CHIA: variants seen among roughly 807,000 people sequenced by gnomAD.
CHIA encodes acidic mammalian chitinase.
CHIA carries 47 observed loss-of-function variants against 53.5 expected under a neutral mutation model. That is an observed-to-expected ratio of 0.88 (90% CI 0.70 to 1.12). The LOEUF (loss-of-function observed/expected upper bound fraction) is 1.12. CHIA is among the 50% of genes most tolerant of loss of function. The probability of loss-of-function intolerance (pLI) is 0.00; values close to 1 mark genes in which losing one functional copy is unlikely to be tolerated. For missense variants in CHIA, 652 were observed against 592.2 expected, an observed-to-expected ratio of 1.10 and a Z score of -1.05; for synonymous variants, 268 against 222.2, an observed-to-expected ratio of 1.21 and a Z score of -1.83.
At chr1:111,312,056 T>C in intron 3 of CHIA, 134 bp from the exon 4 acceptor site, 1 of 702,180 alleles carries the variant, frequency 1.4e-6, no homozygotes, top group African/African-American at 1.8e-5. Flanking sequence ...TGCAAGAGTG[T>C]TCATACTAAT....
Position 111,310,387 on chromosome 1 carries a change from G to A in CHIA, c.-68-13G>A, listed in dbSNP as rs1648564325. ...ACTACATACACATCTGGGTCAAATT[G>A]TTCTCTATTTAGAAGCCTTTGTGAT... On this transcript the variant is annotated splice_polypyrimidine_tract_variant and intron_variant, in intron 1 of 11. Coordinates refer to ENST00000369740, the MANE Select transcript of CHIA (RefSeq NM_201653.4). 6.2e-7 allele frequency: 1 copy of A among 1,602,838 alleles called. No homozygotes were observed. Among genetic ancestry groups the A allele is most frequent in the South Asian group, 1.1e-5 (1 of 88,870 alleles).
chr1:111,320,527 T>C lies in CHIA; in HGVS notation c.*61T>C. On this transcript the variant is annotated 3_prime_UTR_variant, in exon 12 of 12. Coordinates refer to ENST00000369740, the MANE Select transcript of CHIA (RefSeq NM_201653.4). ...TCTTTTGCTTAGGACATGTTGCCCC[T>C]ACCTAAAGTCCTGCAATAAAATCAG... 2 of 1,485,126 alleles carry C rather than the reference T, an allele frequency of 1.3e-6. No individual in the cohort carries two copies. Among genetic ancestry groups the C allele is most frequent in the Non-Finnish European group, 9.3e-7 (1 of 1,073,748 alleles). 92.0% of individuals were successfully genotyped at this position (1,485,126 alleles called of 1,614,324 possible).
rs114510939 is a variant in CHIA at position 111,318,516 on chromosome 1, G to A, written c.753G>A (p.Lys251=). Residue 251 remains lysine (K), a synonymous_variant, in exon 9 of 12, where the codon AAG becomes AAA. Coordinates refer to ENST00000369740, the MANE Select transcript of CHIA (RefSeq NM_201653.4). ...AGGATTATGTCATGAACTACTGGAAGGACAATGGAGCACCAGCTGAGAAGC... is the reference window on the plus strand; with the variant it reads ...AGGATTATGTCATGAACTACTGGAAAGACAATGGAGCACCAGCTGAGAAGC... The part of the protein sequence containing the change: ...LNVDYVMNYW[K]DNGAPAEKLI... 1.4e-3 allele frequency: 2,182 copies of A among 1,614,010 alleles called. 24 individuals are homozygous for A. In the African/African-American group the frequency reaches 0.022, roughly 17 times the overall value.
At position 111,319,375 on chromosome 1, in the gene CHIA, A is replaced by G; in HGVS notation, c.1084A>G (p.Ile362Val). 1 of 1,614,204 alleles carries G rather than the reference A, an allele frequency of 6.2e-7. No homozygotes were observed. The highest frequency in any genetic ancestry group is 8.5e-7 in the Non-Finnish European group (1 of 1,180,004). ...NKFGGAMVWA[I>V]DLDDFTGTFC... ...ATTTGGAGGCGCCATGGTCTGGGCCATTGATCTGGATGACTTCACTGGCAC... is the reference window on the plus strand; with the variant it reads ...ATTTGGAGGCGCCATGGTCTGGGCCGTTGATCTGGATGACTTCACTGGCAC... Residue 362 changes from isoleucine (I) to valine (V), a missense_variant, in exon 11 of 12, where the codon ATT (isoleucine) becomes GTT (valine). By Grantham distance (29) the Ile-to-Val change is conservative. Transcript: ENST00000369740.
In CHIA at chr1:111,318,564, T is replaced by C. The variant is rs1237531004; in HGVS notation, c.801T>C (p.Tyr267=). The change falls in exon 9 of 12, where the codon TAT becomes TAC. Residue 267 remains tyrosine (Y), a synonymous_variant. Transcript: ENST00000369740. ...AEKLIVGFPT[Y]GHNFILSNPS... Reference sequence around the variant, plus strand: ...AGCTCATCGTTGGATTCCCTACCTATGGACACAACTTCATCCTGAGCAACC... The same window carrying C: ...AGCTCATCGTTGGATTCCCTACCTACGGACACAACTTCATCCTGAGCAACC... 2 of 1,614,200 alleles carry C rather than the reference T, an allele frequency of 1.2e-6. No individual in the cohort carries two copies. Among genetic ancestry groups the C allele is most frequent in the Non-Finnish European group, 1.7e-6 (2 of 1,180,020 alleles).
chr1:111,292,324 T>A (rs1661073466), intron 1 of CHIA, among the ~76,000 whole-genome samples: 1 of 152,192 alleles, frequency 6.6e-6, no homozygotes, highest in Non-Finnish European at 1.5e-5. Flanking sequence ...TAATGTCACA[T>A]ATCTAGAAAG....
chr1:111,314,397 G>A (rs1489264039), intron 4 of CHIA, 143 bp from the exon 5 acceptor site: 1 of 572,402 alleles, frequency 1.7e-6, no homozygotes, highest in African/African-American at 1.9e-5. Context: ...TTTTTATAAA[G>A]GAAGTTTTCA....
intron 1 of CHIA, among the ~76,000 whole-genome samples, chr1:111,299,704 C>T (rs144942838): frequency 0.011 from 1,745 of 152,284 alleles, 14 homozygotes; most frequent in Middle Eastern, 0.027. Flanking sequence ...TCTCTCACTA[C>T]TCCTATTCAA....
chr1:111,313,501 G>T (rs2101641947), intron 4 of CHIA, among the ~76,000 whole-genome samples: 1 of 152,008 alleles, frequency 6.6e-6, no homozygotes, highest in Admixed American at 6.6e-5. Context: ...AGGTTATTTG[G>T]TTTCTTACTA....
intron 1 of CHIA, among the ~76,000 whole-genome samples, chr1:111,293,405 C>G (rs984390837): frequency 1.3e-5 from 2 of 152,028 alleles, no homozygotes; most frequent in Admixed American, 1.3e-4. Flanking sequence ...ATATTCAAGT[C>G]CTTTGTCCAT....
Position 111,319,127 on chromosome 1 carries a change from C to A in CHIA, c.923C>A (p.Thr308Asn), listed in dbSNP as rs142736771. 1.2e-6 allele frequency: 2 copies of A among 1,613,842 alleles called. No homozygotes were observed. The highest frequency in any genetic ancestry group is 1.7e-6 in the Non-Finnish European group (2 of 1,179,938). The change falls in exon 10 of 12, where the codon ACC becomes AAC. Residue 308 changes from threonine to asparagine, a missense_variant. Transcript: ENST00000369740. ...TCTCTTGACTTTTGAAAGATCTGTACCTTCCTGAAAAATGGAGCCACTCAG... is the reference window on the plus strand; with the variant it reads ...TCTCTTGACTTTTGAAAGATCTGTAACTTCCTGAAAAATGGAGCCACTCAG... ...SGIWAYYEIC[T>N]FLKNGATQGW...
At chr1:111,297,901 C>CAAAAAAAAAA (rs1188512345) in intron 1 of CHIA, among the ~76,000 whole-genome samples, 25 of 31,844 alleles carry the variant, frequency 7.9e-4, no homozygotes, top group East Asian at 1.6e-3. Context: ...AAATGGAAAG[C>CAAAAAAAAAA]AAAAAAAAAA....
chr1:111,314,720 T>C (rs1019221603), intron 5 of CHIA, 124 bp downstream of exon 5: 2 of 635,610 alleles, frequency 3.1e-6, no homozygotes, highest in Non-Finnish European at 5.6e-6. Context: ...TAAACAAATA[T>C]ATGAATTAAA....
rs370020615 is a variant in CHIA, at chr1:111,319,212, T to C, written c.1008T>C (p.Tyr336=). 2.5e-6 allele frequency: 4 copies of C among 1,614,116 alleles called. No homozygotes were observed. Among genetic ancestry groups the C allele is most frequent in the African/African-American group, 1.3e-5 (1 of 74,932 alleles). ...ATCAGGGCAATGTGTGGGTTGGCTATGACAACATCAAGAGCTTCGATATTA... is the reference window on the plus strand; with the variant it reads ...ATCAGGGCAATGTGTGGGTTGGCTACGACAACATCAAGAGCTTCGATATTA... ...YAYQGNVWVG[Y]DNIKSFDIKA... is the part of the protein sequence containing the mutation. Residue 336 remains tyrosine (Y), a synonymous_variant, in exon 10 of 12, where the codon TAT becomes TAC. Coordinates refer to ENST00000369740, the MANE Select transcript of CHIA (RefSeq NM_201653.4).
intron 2 of CHIA, among the ~76,000 whole-genome samples, chr1:111,311,227 C>A (rs374822028): frequency 7.2e-5 from 11 of 152,342 alleles, no homozygotes; most frequent in African/African-American, 2.6e-4. Context: ...GTTCCTAGCT[C>A]TTCTCTCCTC....
chr1:111,311,235 C>T (rs1360338227), intron 2 of CHIA, among the ~76,000 whole-genome samples: 2 of 152,158 alleles, frequency 1.3e-5, no homozygotes, highest in Non-Finnish European at 2.9e-5. Flanking sequence ...CTCTTCTCTC[C>T]TCATATAAGG....
chr1:111,311,752 G>A (rs760317308), intron 3 of CHIA, 34 bp downstream of exon 3: 3 of 1,602,830 alleles, frequency 1.9e-6, no homozygotes, highest in Non-Finnish European at 2.6e-6. Context: ...ATCATTGAAT[G>A]TATATATACG....
At chr1:111,292,434 A>G (rs1661081249) in intron 1 of CHIA, among the ~76,000 whole-genome samples, 1 of 152,150 alleles carries the variant, frequency 6.6e-6, no homozygotes, top group Non-Finnish European at 1.5e-5. Flanking sequence ...GATGTGGGAG[A>G]ATGCTCTCTG....
At chr1:111,291,979 G>A (rs114284562) in intron 1 of CHIA, among the ~76,000 whole-genome samples, 2,856 of 152,000 alleles carry the variant, frequency 0.019, 80 homozygotes, top group African/African-American at 0.062. Context: ...CATGTATCAC[G>A]GAACTTAAAA....
Sources: gnomAD v4.1 joint callset for allele counts (sites outside exome capture counted in the v4.1 genomes callset) on GRCh38, gnomAD v4.1.1 for gene constraint, MANE v1.5 for transcripts, NCBI Gene and HGNC (gene_info 2026-07-23, HGNC 2026-07-21) for gene names.